SETX: variants seen among roughly 807,000 people sequenced by gnomAD.
SETX encodes the protein helicase senataxin.
In SETX, 90 loss-of-function variants were observed where a neutral mutation model predicts 227.2. That is an observed-to-expected ratio of 0.40 (90% CI 0.33 to 0.47). The LOEUF (loss-of-function observed/expected upper bound fraction) is 0.47, where lower values mean the gene tolerates loss of function less well. Ranked by LOEUF, SETX falls within the 20% of genes least tolerant of loss-of-function variation. The pLI, the probability that SETX is intolerant of heterozygous loss-of-function variation, is 0.91. For missense variants in SETX, 3,052 were observed against 3,181.5 expected (o/e 0.96, Z 0.98); for synonymous variants, 1,210 against 1,113.2 (o/e 1.09, Z -1.73).
chr9:132,346,387 A>G lies in SETX; in HGVS notation c.262T>C (p.Tyr88His), dbSNP rs779659472. The G allele has an allele frequency of 8.1e-6, 13 of 1,613,838 alleles. No homozygotes were observed. Among genetic ancestry groups the G allele is most frequent in the South Asian group, 2.2e-5 (2 of 91,084 alleles). The stretch of plus-strand genomic sequence containing the variant: ...ATCTCTCCATTATTGTCTACTATAT[A>G]TAACTCATCATCATCTCCAATTTCT... The part of the protein sequence containing the change: ...KAEIGDDDEL[Y>H]IVDNNGEMPL... Residue 88 changes from tyrosine (Y) to histidine (H), a missense_variant, in exon 4 of 26, where the codon TAT (tyrosine) becomes CAT (histidine). By Grantham distance (83) the Tyr-to-His change is moderately conservative (BLOSUM62 2). This residue lies in a region of SETX where 152 missense variants were observed against 156.2 expected (regional missense o/e 0.97). Coordinates refer to ENST00000224140, the MANE Select transcript of SETX (RefSeq NM_015046.7).
chr9:132,264,256 T>C lies in SETX; in HGVS notation c.8017A>G (p.Lys2673Glu), dbSNP rs752965176. 3 of 1,614,220 alleles carry C rather than the reference T, an allele frequency of 1.9e-6. No individual in the cohort carries two copies. In the South Asian group the frequency reaches 3.3e-5, roughly 18 times the overall value. ...TLEQEDSSSK[K>E]RKLL Reference sequence around the variant, plus strand: ...GGGCTTTCCTATAAAAGCTTTCTTTTCTTGGAACTGCTGTCCTCCTGCTCC... The same window carrying C: ...GGGCTTTCCTATAAAAGCTTTCTTTCCTTGGAACTGCTGTCCTCCTGCTCC... Residue 2673 changes from lysine (K) to glutamate (E), a missense_variant, in exon 26 of 26, where the codon AAA (lysine) becomes GAA (glutamate). Physicochemically the swap from Lys to Glu is moderately conservative, Grantham distance 56 (BLOSUM62 1). This residue lies in a region of SETX where 294 missense variants were observed against 278.8 expected (regional missense o/e 1.05). Transcript: ENST00000224140.
intron 18 of SETX, among the ~76,000 whole-genome samples, chr9:132,284,145 G>A (rs778519413): frequency 6.6e-6 from 1 of 152,200 alleles, no homozygotes; most frequent in African/African-American, 2.4e-5. Context: ...TGGCACTGTG[G>A]TCCTCCACGG....
chr9:132,333,416 TACACACACACACACACACAC>T (rs764524464), intron 7 of SETX, among the ~76,000 whole-genome samples: 2 of 88,074 alleles, frequency 2.3e-5, no homozygotes, highest in East Asian at 3.5e-4. Context: ...AAAATATATA[TACACACACACACACACACAC>T]ACACACACAC....
intron 18 of SETX, 42 bp downstream of exon 18, chr9:132,286,379 GAA>G (rs201395158): frequency 1.8e-3 from 2,033 of 1,158,800 alleles, no homozygotes; most frequent in East Asian, 8.1e-3. Flanking sequence ...ATTTTAAAAA[GAA>G]AAAAAAAAAA....
chr9:132,304,977 AGAGT>A, intron 11 of SETX, among the ~76,000 whole-genome samples: 1 of 152,192 alleles, frequency 6.6e-6, no homozygotes, highest in East Asian at 1.9e-4. Flanking sequence ...CCTGGGTAAC[AGAGT>A]GAGACTCCAT....
rs200724545 is a variant in SETX at position 132,330,302 on chromosome 9, A to T, written c.1296T>A (p.Val432=). The stretch of plus-strand genomic sequence containing the variant: ...TGACTTCAGAGTACAGATGATTAAC[A>T]ACCTGTGCTATGTAAGCCACACCCA... ...KDLGVAYIAQ[V]VNHLYSEVKE... is the part of the protein sequence containing the mutation. Residue 432 remains valine, a synonymous_variant, in exon 10 of 26, where the codon GTT becomes GTA. Coordinates refer to ENST00000224140, the MANE Select transcript of SETX (RefSeq NM_015046.7). 9 of 1,606,044 alleles carry T rather than the reference A, an allele frequency of 5.6e-6. No individual in the cohort carries two copies. Among genetic ancestry groups the T allele is most frequent in the Non-Finnish European group, 7.7e-6 (9 of 1,174,392 alleles).
rs1564538732 is a variant in SETX at position 132,327,277 on chromosome 9, G to C, written c.4321C>G (p.Gln1441Glu). Reference protein sequence around the residue: ...PATDDACPLNQCDSVVLNGTV... With the variant: ...PATDDACPLNECDSVVLNGTV... Reference sequence around the variant, plus strand: ...CCATTTAACACTACAGAATCACACTGGTTCAAAGGGCAAGCATCATCAGTT... The same window carrying C: ...CCATTTAACACTACAGAATCACACTCGTTCAAAGGGCAAGCATCATCAGTT... The change falls in exon 10 of 26, where the codon CAG becomes GAG. Residue 1441 changes from glutamine to glutamate, a missense_variant. Physicochemically the swap from Gln to Glu is conservative, Grantham distance 29. This residue lies in a region of SETX where 1,483 missense variants were observed against 1,312.0 expected (regional missense o/e 1.13). Coordinates refer to ENST00000224140, the MANE Select transcript of SETX (RefSeq NM_015046.7). 6.2e-7 allele frequency: 1 copy of C among 1,614,038 alleles called. No homozygotes were observed. The highest frequency in any genetic ancestry group is 1.7e-5 in the Admixed American group (1 of 60,000).
chr9:132,335,151 G>A (rs909939404), intron 6 of SETX, among the ~76,000 whole-genome samples: 1 of 151,956 alleles, frequency 6.6e-6, no homozygotes, highest in South Asian at 2.1e-4. Flanking sequence ...AGCACTTTGG[G>A]AGGCCAAGGC....
At chr9:132,339,436 G>C (rs1173937778) in intron 5 of SETX, among the ~76,000 whole-genome samples, 1 of 152,174 alleles carries the variant, frequency 6.6e-6, no homozygotes, top group African/African-American at 2.4e-5. Flanking sequence ...CTGGGTGACA[G>C]AGCAAGACCC....
chr9:132,329,213 T>C lies in SETX; in HGVS notation c.2385A>G (p.Ile795Met), dbSNP rs932857056. Residue 795 changes from isoleucine to methionine, a missense_variant, in exon 10 of 26, where the codon ATA (isoleucine) becomes ATG (methionine). Ile to Met is a conservative substitution (Grantham distance 10). This residue lies in a region of SETX where 1,483 missense variants were observed against 1,312.0 expected (regional missense o/e 1.13). Transcript: ENST00000224140. The part of the protein sequence containing the change: ...DEICAKLSHV[I>M]KKQHRKSTLV... ...AAGTACTCTTCCTGTGTTGCTTCTTTATTACATGTGATAACTTTGCACAGA... is the reference window on the plus strand; with the variant it reads ...AAGTACTCTTCCTGTGTTGCTTCTTCATTACATGTGATAACTTTGCACAGA... The C allele has an allele frequency of 6.2e-7, 1 of 1,613,658 alleles. No homozygotes were observed. Among genetic ancestry groups the C allele is most frequent in the Non-Finnish European group, 8.5e-7 (1 of 1,179,886 alleles).
At position 132,283,323 on chromosome 9, in the gene SETX, G is replaced by C; in HGVS notation, c.6487C>G (p.Leu2163Val). ...CTLSTSGGLLLESAFRGQGGV... is the reference protein window; with the variant it reads ...CTLSTSGGLLVESAFRGQGGV... ...CCTTGCCCACGGAAAGCAGACTCAA[G>C]TAGTAAACCACCACTTGTGCTCAAC... Residue 2163 changes from leucine to valine, a missense_variant, in exon 19 of 26, where the codon CTT (leucine) becomes GTT (valine). Physicochemically the swap from Leu to Val is conservative, Grantham distance 32. Around this residue, in one of 10 missense-constraint regions of SETX, gnomAD observed 412 missense variants for 589.0 expected, o/e 0.70. Transcript: ENST00000224140. The C allele has an allele frequency of 2.5e-6, 4 of 1,614,186 alleles. No individual in the cohort carries two copies. The highest frequency in any genetic ancestry group is 3.4e-6 in the Non-Finnish European group (4 of 1,180,030).
intron 14 of SETX, among the ~76,000 whole-genome samples, 181 bp downstream of exon 14, chr9:132,296,706 A>G (rs1844692504): frequency 6.6e-6 from 1 of 152,014 alleles, no homozygotes; most frequent in South Asian, 2.1e-4. Context: ...TCCTCTTTTT[A>G]TTTCCCATAA....
At chr9:132,315,652 C>T (rs1283487823) in intron 10 of SETX, among the ~76,000 whole-genome samples, 1 of 152,222 alleles carries the variant, frequency 6.6e-6, no homozygotes, top group African/African-American at 2.4e-5. Context: ...CTTCCACTCA[C>T]TTCTTTGTAC....
At chr9:132,344,465 A>G (rs1848175253) in intron 4 of SETX, among the ~76,000 whole-genome samples, 1 of 152,216 alleles carries the variant, frequency 6.6e-6, no homozygotes, top group South Asian at 2.1e-4. Flanking sequence ...AAAGAGCTGG[A>G]AGAACTATGT....
At chr9:132,297,754 G>A (rs1029697397) in intron 13 of SETX, among the ~76,000 whole-genome samples, 5 of 152,000 alleles carry the variant, frequency 3.3e-5, no homozygotes, top group Admixed American at 2.0e-4. Context: ...CAACAATACC[G>A]GCCAATTCTC....
intron 5 of SETX, among the ~76,000 whole-genome samples, chr9:132,339,269 G>A (rs1847825650): frequency 6.6e-6 from 1 of 152,072 alleles, no homozygotes. Flanking sequence ...GGGCACTTGA[G>A]CCCAGGAGTT....
intron 1 of SETX, among the ~76,000 whole-genome samples, chr9:132,354,599 T>G (rs1055473079): frequency 6.7e-6 from 1 of 149,160 alleles, no homozygotes; most frequent in African/African-American, 2.5e-5. Context: ...CCCCGAGACC[T>G]CCCGCTCAGC....
intron 2 of SETX, among the ~76,000 whole-genome samples, chr9:132,350,930 G>A (rs1414985280): frequency 2.6e-5 from 4 of 152,168 alleles, no homozygotes; most frequent in Non-Finnish European, 5.9e-5. Context: ...TGCAGTGATA[G>A]CCGCAGAGTA....
chr9:132,274,469 C>T (rs1475286720), intron 23 of SETX, among the ~76,000 whole-genome samples: 1 of 145,374 alleles, frequency 6.9e-6, no homozygotes, highest in Non-Finnish European at 1.5e-5. Context: ...GATGGAGTCT[C>T]GCTCTGTCAC....
Sources: allele counts gnomAD v4.1 joint callset (sites outside exome capture counted in the v4.1 genomes callset), GRCh38; gene constraint gnomAD v4.1.1; regional missense constraint gnomAD v4.1.1; transcripts MANE v1.5; gene names NCBI Gene and HGNC (gene_info 2026-07-23, HGNC 2026-07-21).